Variants in DESI2 observed in about 807,000 individuals in gnomAD.
DESI2 encodes the protein desumoylating isopeptidase 2.
Under a neutral mutation model 24.1 loss-of-function variants are expected in DESI2, and 10 were observed. The observed-to-expected ratio is 0.41, with a 90% CI of 0.26 to 0.70. The LOEUF is 0.70. DESI2 is among the 30% of genes least tolerant of loss of function. The probability of loss-of-function intolerance (pLI) is 0.29; values close to 1 mark genes in which losing one functional copy is unlikely to be tolerated. For missense variants in DESI2, 122 were observed against 234.9 expected (o/e 0.52, Z 3.14); for synonymous variants, 71 against 87.7 (o/e 0.81, Z 1.06).
At chr1:244,702,759 C>T (rs987878625) in intron 4 of DESI2, among the ~76,000 whole-genome samples, 1 of 152,124 alleles carries the variant, frequency 6.6e-6, no homozygotes, top group Non-Finnish European at 1.5e-5. Context: ...AAGCCACACC[C>T]TCAGGGGTTG....
chr1:244,671,225 C>T (rs1046464088), intron 1 of DESI2, among the ~76,000 whole-genome samples: 16 of 152,166 alleles, frequency 1.1e-4, no homozygotes, highest in Middle Eastern at 6.8e-3. Context: ...CAAATGAAAA[C>T]GTCTGATTGT....
chr1:244,694,388 T>G (rs1677134887), intron 4 of DESI2: 2 of 648,632 alleles, frequency 3.1e-6, no homozygotes, highest in Non-Finnish European at 5.8e-6. Context: ...AATTTTTTTT[T>G]TTAAACCGGA....
chr1:244,691,409 A>G (rs1677027698), intron 3 of DESI2, among the ~76,000 whole-genome samples: 1 of 152,204 alleles, frequency 6.6e-6, no homozygotes, highest in Non-Finnish European at 1.5e-5. Flanking sequence ...TTTTTAAAAA[A>G]CGTTTAGTCA....
rs1558141774 is a variant in DESI2 at position 244,707,886 on chromosome 1, T to C, written c.*2097T>C. ...TGCAGCATTTGGAGTTTAAAAATAA[T>C]GTAAAGGGTTCTAGTAGAAATAGTG... On this transcript the variant is annotated 3_prime_UTR_variant, in exon 5 of 5. Coordinates refer to ENST00000302550, the MANE Select transcript of DESI2 (RefSeq NM_016076.5). 1 of 152,210 alleles carries C rather than the reference T, an allele frequency of 6.6e-6. No homozygotes were observed. The highest frequency in any genetic ancestry group is 1.5e-5 in the Non-Finnish European group (1 of 68,034). The allele number at this position is 152,210 out of a possible 1,614,324, so 9.4% of individuals were successfully genotyped here.
intron 4 of DESI2, among the ~76,000 whole-genome samples, chr1:244,693,603 G>A (rs1277475772): frequency 2.0e-5 from 3 of 152,022 alleles, no homozygotes; most frequent in African/African-American, 2.4e-5. Context: ...GGCTAATTTC[G>A]TATTTTTAGT....
chr1:244,676,684 GT>G (rs1208125600), intron 1 of DESI2, among the ~76,000 whole-genome samples: 1 of 151,116 alleles, frequency 6.6e-6, no homozygotes, highest in East Asian at 1.9e-4. Flanking sequence ...GATATTAGCT[GT>G]GAGGTTTTTC....
At chr1:244,703,721 C>T (rs769211017) in intron 4 of DESI2, among the ~76,000 whole-genome samples, 72 of 150,406 alleles carry the variant, frequency 4.8e-4, no homozygotes, top group African/African-American at 1.5e-3. Context: ...TGCAGTGGTG[C>T]GATCTCGGCT....
intron 2 of DESI2, among the ~76,000 whole-genome samples, chr1:244,687,012 C>G (rs1172632017): frequency 1.3e-5 from 2 of 152,082 alleles, no homozygotes; most frequent in African/African-American, 4.8e-5. Flanking sequence ...AGAAACCTTG[C>G]ATTTCGAAAA....
chr1:244,691,475 C>T (rs1330429262), intron 3 of DESI2, among the ~76,000 whole-genome samples: 1 of 152,228 alleles, frequency 6.6e-6, no homozygotes, highest in Non-Finnish European at 1.5e-5. Flanking sequence ...AAGTTTGTTT[C>T]TAGGTGACAT....
chr1:244,689,516 CCTTTT>C lies in DESI2; in HGVS notation c.209+175_209+179del, dbSNP rs1284738739. On this transcript the variant is annotated intron_variant, in intron 3 of 4. Coordinates refer to ENST00000302550, the MANE Select transcript of DESI2 (RefSeq NM_016076.5). The surrounding 1 kb of genome is among the most constrained non-coding windows in gnomAD (Gnocchi z 4.0). The stretch of plus-strand genomic sequence containing the variant: ...TTGCCTCAGGAAACTCATTTCTTTT[CCTTTT>C]TTTTTTGAGATGGAGTCTCACTCTG... Among the ~76,000 whole-genome samples the C allele has an allele frequency of 1.4e-5, 2 of 138,006 alleles. No individual in the cohort carries two copies. The highest frequency in any genetic ancestry group is 4.3e-4 in the East Asian group (2 of 4,646). 90.5% of individuals were successfully genotyped at this position (138,006 alleles called of 152,430 possible).
intron 1 of DESI2, among the ~76,000 whole-genome samples, chr1:244,672,109 G>T (rs1259929645): frequency 6.6e-6 from 1 of 152,160 alleles, no homozygotes; most frequent in African/African-American, 2.4e-5. Flanking sequence ...TGAGGTAGGA[G>T]GATCTCTTGA....
intron 4 of DESI2, among the ~76,000 whole-genome samples, chr1:244,699,528 G>A (rs1677354418): frequency 7.0e-6 from 1 of 142,408 alleles, no homozygotes; most frequent in Non-Finnish European, 1.5e-5. Flanking sequence ...GTTGCAGGGA[G>A]CCGAGATTGT....
chr1:244,703,000 C>CTTTTT (rs72210181), intron 4 of DESI2, among the ~76,000 whole-genome samples: 26,843 of 130,820 alleles, frequency 0.21, 3,045 homozygotes, highest in East Asian at 0.29. Context: ...TTTGCCAGCG[C>CTTTTT]TTTTTTTTTT....
chr1:244,683,109 A>G (rs1676675714), intron 1 of DESI2, among the ~76,000 whole-genome samples: 1 of 152,108 alleles, frequency 6.6e-6, no homozygotes, highest in Non-Finnish European at 1.5e-5. Flanking sequence ...AACCTAACAC[A>G]TTTCCTAGTG....
At chr1:244,659,594 A>G (rs1290463011) in intron 1 of DESI2, among the ~76,000 whole-genome samples, 2 of 152,166 alleles carry the variant, frequency 1.3e-5, no homozygotes, top group Non-Finnish European at 2.9e-5. Context: ...TATGCTTCAA[A>G]TATCTCTGAC....
chr1:244,686,558 G>T, intron 1 of DESI2, 39 bp from the exon 2 acceptor site: 2 of 1,351,132 alleles, frequency 1.5e-6, no homozygotes, highest in South Asian at 2.3e-5. Context: ...GGTTGTAAAT[G>T]AACAGGTATT....
At position 244,707,853 on chromosome 1, in the gene DESI2, C is replaced by CT. The variant is rs1043101140; in HGVS notation, c.*2067dup. ...TATTTACTTGCATTTGTTGTATTTACTTTCATCTGCAGCATTTGGAGTTTA... is the reference window on the plus strand; with the variant it reads ...TATTTACTTGCATTTGTTGTATTTACTTTTCATCTGCAGCATTTGGAGTTTA... On this transcript the variant is annotated 3_prime_UTR_variant, in exon 5 of 5. Transcript: ENST00000302550. 8 of 152,182 alleles carry CT rather than the reference C, an allele frequency of 5.3e-5. No homozygotes were observed. The highest frequency in any genetic ancestry group is 1.9e-4 in the African/African-American group (8 of 41,438). 9.4% of individuals were successfully genotyped at this position (152,182 alleles called of 1,614,324 possible).
chr1:244,686,680 A>T lies in DESI2; in HGVS notation c.115+11A>T. On this transcript the variant is annotated intron_variant, in intron 2 of 4. Coordinates refer to ENST00000302550, the MANE Select transcript of DESI2 (RefSeq NM_016076.5). The stretch of plus-strand genomic sequence containing the variant: ...AAGTCTATGGCAGAGGTACGTGTAC[A>T]CACAGTCTAAATATACTCTCTGAAG... The T allele has an allele frequency of 6.4e-7, 1 of 1,553,584 alleles. No homozygotes were observed. Among genetic ancestry groups the T allele is most frequent in the Non-Finnish European group, 8.9e-7 (1 of 1,124,814 alleles).
At chr1:244,672,675 G>A (rs1275150761) in intron 1 of DESI2, among the ~76,000 whole-genome samples, 4 of 152,072 alleles carry the variant, frequency 2.6e-5, no homozygotes, top group Admixed American at 1.3e-4. Flanking sequence ...TCAGGAGTCC[G>A]AGACCAGCCT....
Sources: allele counts gnomAD v4.1 joint callset (sites outside exome capture counted in the v4.1 genomes callset), GRCh38; gene constraint gnomAD v4.1.1; non-coding constraint Gnocchi (gnomAD v3.1); transcripts MANE v1.5; gene names NCBI Gene and HGNC (gene_info 2026-07-23, HGNC 2026-07-21).